The following SPATA1 variants were observed in gnomAD, a reference collection of about 807,000 sequenced individuals.
The protein encoded by SPATA1 is spermatogenesis associated 1.
SPATA1 carries 57 observed loss-of-function variants against 59.6 expected under a neutral mutation model. The observed-to-expected ratio is 0.96, with a 90% CI of 0.77 to 1.19. The LOEUF is 1.19. Ranked by LOEUF, SPATA1 falls within the 50% of genes most tolerant of loss-of-function variation. SPATA1 has a pLI of 0.00. For synonymous variants in SPATA1, 147 were observed against 163.9 expected (o/e 0.90, Z 0.79); for missense variants, 448 against 480.7 (o/e 0.93, Z 0.64).
intron 1 of SPATA1, among the ~76,000 whole-genome samples, chr1:84,511,590 T>C (rs572069422): frequency 6.6e-6 from 1 of 151,816 alleles, no homozygotes; most frequent in Non-Finnish European, 1.5e-5. Context: ...CATTCCTCCA[T>C]TGGTTCTAGA....
chr1:84,553,171 T>C lies in SPATA1; in HGVS notation c.*47T>C, dbSNP rs771371466. ...ATTTGTAAAAAAATTTAAATATGTATTTGAACAGATTTGTTTAACCATTAT... is the reference window on the plus strand; with the variant it reads ...ATTTGTAAAAAAATTTAAATATGTACTTGAACAGATTTGTTTAACCATTAT... On this transcript the variant is annotated 3_prime_UTR_variant, in exon 13 of 13. Transcript: ENST00000490879. 4.7e-6 allele frequency: 5 copies of C among 1,056,574 alleles called. No homozygotes were observed. In the African/African-American group the frequency reaches 8.2e-5, roughly 17 times the overall value. The allele number at this position is 1,056,574 out of a possible 1,614,324, so 65.4% of individuals were successfully genotyped here.
At chr1:84,538,729 A>G (rs1683804524) in intron 8 of SPATA1, among the ~76,000 whole-genome samples, 1 of 152,232 alleles carries the variant, frequency 6.6e-6, no homozygotes, top group Non-Finnish European at 1.5e-5. Flanking sequence ...TGGGACTTAA[A>G]CAAGAGAAGG....
Position 84,508,667 on chromosome 1 carries a change from GAATA to G in SPATA1, c.-138+2255_-138+2258del, listed in dbSNP as rs371379280. On this transcript the variant is annotated intron_variant, in intron 1 of 12. Transcript: ENST00000490879. ...TTCACTAGGTCTAAATTCAGAATTT[GAATA>G]AATAAGAGTCACATGCTGTACTTTG... Among the ~76,000 whole-genome samples, 19 of 152,308 alleles carry G rather than the reference GAATA, an allele frequency of 1.2e-4. No homozygotes were observed. In the South Asian group the frequency reaches 3.5e-3, roughly 28 times the overall value.
At chr1:84,565,005 C>T (rs1374977915) in intron 4 of SPATA1, among the ~76,000 whole-genome samples, 2 of 151,872 alleles carry the variant, frequency 1.3e-5, no homozygotes, top group Non-Finnish European at 2.9e-5. Context: ...TGCCACTGCA[C>T]TCCAGCCTGG....
At chr1:84,565,558 TATA>T (rs2102027339) in intron 4 of SPATA1, among the ~76,000 whole-genome samples, 1 of 152,300 alleles carries the variant, frequency 6.6e-6, no homozygotes, top group South Asian at 2.1e-4. Context: ...GCCCCAACTA[TATA>T]ATACTTAATA....
At chr1:84,514,297 A>C (rs1682703010) in intron 1 of SPATA1, among the ~76,000 whole-genome samples, 1 of 152,182 alleles carries the variant, frequency 6.6e-6, no homozygotes. Context: ...TGGTCTCATC[A>C]GAAATGATAA....
At chr1:84,555,400 A>G (rs1684398232), downstream of SPATA1, among the ~76,000 whole-genome samples, 1 of 152,214 alleles carries the variant, frequency 6.6e-6, no homozygotes. Flanking sequence ...TCTATATTTG[A>G]TACAAATGGT....
chr1:84,555,393 A>G (rs1317151180), downstream of SPATA1, among the ~76,000 whole-genome samples: 3 of 152,202 alleles, frequency 2.0e-5, no homozygotes, highest in Non-Finnish European at 4.4e-5. Context: ...CCATGGTTCT[A>G]TATTTGATAC....
intron 2 of SPATA1, among the ~76,000 whole-genome samples, chr1:84,519,470 TA>T (rs1682930059): frequency 6.6e-6 from 1 of 152,130 alleles, no homozygotes; most frequent in African/African-American, 2.4e-5. Context: ...AGCATATATA[TA>T]AATATTTAGT....
chr1:84,549,106 G>A, intron 11 of SPATA1, 142 bp downstream of exon 11: 1 of 769,158 alleles, frequency 1.3e-6, no homozygotes, highest in Non-Finnish European at 1.9e-6. Flanking sequence ...ATGACCTTAT[G>A]TAATAGGAGG....
At chr1:84,545,846 AATT>A (rs1426576748) in intron 10 of SPATA1, 87 bp downstream of exon 10, 1 of 980,838 alleles carries the variant, frequency 1.0e-6, no homozygotes, top group Non-Finnish European at 1.4e-6. Context: ...ATAAAGTTAT[AATT>A]AATATTTACT....
chr1:84,545,138 A>C (rs1260199098), intron 9 of SPATA1, among the ~76,000 whole-genome samples: 3 of 150,666 alleles, frequency 2.0e-5, no homozygotes. Context: ...AATCGCTTGA[A>C]CCCAGGAGAC....
At chr1:84,565,865 C>A (rs1464287832) in exon 5 of SPATA1, 2 of 1,566,490 alleles carry the variant, frequency 1.3e-6, no homozygotes, top group Non-Finnish European at 1.7e-6. Context: ...TTATAGGGAG[C>A]ATTGGCTGCT....
chr1:84,520,802 C>T (rs572389945), intron 3 of SPATA1, 111 bp downstream of exon 3: 4 of 710,206 alleles, frequency 5.6e-6, no homozygotes, highest in African/African-American at 1.8e-5. Context: ...ATTTTGTCCA[C>T]GTGATAGATC....
At chr1:84,528,489 A>G (rs541748079) in intron 6 of SPATA1, among the ~76,000 whole-genome samples, 4 of 152,290 alleles carry the variant, frequency 2.6e-5, no homozygotes, top group African/African-American at 9.6e-5. Context: ...ATTTATGTAT[A>G]TCATTTTGGA....
At position 84,544,654 on chromosome 1, in the gene SPATA1, G is replaced by A. The variant is rs192415436; in HGVS notation, c.820+350G>A. On this transcript the variant is annotated intron_variant, in intron 9 of 12. Transcript: ENST00000490879. ...CAGCTCACTGCAACCTCCGCCTCTC[G>A]GGTTCAAGCGATTCTCCAGCCTCAG... is the stretch of plus-strand genomic sequence containing the variant. Among the ~76,000 whole-genome samples the A allele has an allele frequency of 4.3e-3, 650 of 151,954 alleles. 10 individuals are homozygous for A. The highest frequency in any genetic ancestry group is 4.5e-3 in the Non-Finnish European group (307 of 67,970).
chr1:84,556,440 C>T (rs538115393), downstream of SPATA1, among the ~76,000 whole-genome samples: 12 of 152,040 alleles, frequency 7.9e-5, no homozygotes, highest in Admixed American at 2.6e-4. Context: ...GGGCCGGGCA[C>T]GGTGTCTCAG....
chr1:84,563,464 T>G (rs754927341), intron 4 of SPATA1: 1 of 1,355,480 alleles, frequency 7.4e-7, no homozygotes, highest in Non-Finnish European at 9.7e-7. Context: ...AATTATGCAA[T>G]TCTTAAAAGC....
At chr1:84,519,236 A>G (rs1682920179) in intron 2 of SPATA1, among the ~76,000 whole-genome samples, 1 of 152,112 alleles carries the variant, frequency 6.6e-6, no homozygotes, top group African/African-American at 2.4e-5. Flanking sequence ...ATACCTTGTA[A>G]TGTATTTTTA....
Sources: allele counts gnomAD v4.1 joint callset (sites outside exome capture counted in the v4.1 genomes callset), GRCh38; gene constraint gnomAD v4.1.1; transcripts MANE v1.5; gene names NCBI Gene and HGNC (gene_info 2026-07-23, HGNC 2026-07-21).